The following SYT7 variants were observed in gnomAD, a reference collection of about 807,000 sequenced individuals.
The protein encoded by SYT7 is synaptotagmin-7.
A neutral mutation model predicts 75.1 loss-of-function variants in SYT7; 29 were observed. That is an observed-to-expected ratio of 0.39 (90% CI 0.29 to 0.53). SYT7 has a LOEUF of 0.53. Ranked by LOEUF, SYT7 falls within the 20% of genes least tolerant of loss-of-function variation. SYT7 has a pLI of 0.77. For missense variants in SYT7, 693 were observed against 953.2 expected, an observed-to-expected ratio of 0.73 and a Z score of 3.59; for synonymous variants, 376 against 401.7, an observed-to-expected ratio of 0.94 and a Z score of 0.76.
At chr11:61,581,648 G>A (rs1246438413), upstream of SYT7, among the ~76,000 whole-genome samples, 1 of 152,236 alleles carries the variant, frequency 6.6e-6, no homozygotes, top group Non-Finnish European at 1.5e-5. Context: ...CTGCAAGCTC[G>A]CACACAGGTG....
In SYT7 at chr11:61,518,537, C is replaced by A. The variant is rs915869347; in HGVS notation, c.*90G>T. 3 of 922,006 alleles carry A rather than the reference C, an allele frequency of 3.3e-6. No homozygotes were observed. The highest frequency in any genetic ancestry group is 4.7e-6 in the Non-Finnish European group (3 of 639,180). The allele number at this position is 922,006 out of a possible 1,614,324, so 57.1% of individuals were successfully genotyped here. A position where few individuals can be genotyped will look rare whatever the true frequency, so the allele number is the denominator to read the frequency against. On this transcript the variant is annotated 3_prime_UTR_variant, in exon 13 of 13. Coordinates refer to ENST00000539008, the MANE Select transcript of SYT7 (RefSeq NM_001365809.2). ...CCTCAGGGTCCTCCCCTCCCTATGG[C>A]AGGGGGCTCAGGCCGGGCGTTGTGC...
At chr11:61,538,008 G>A in intron 7 of SYT7, 136 bp downstream of exon 7, 1 of 1,326,734 alleles carries the variant, frequency 7.5e-7, no homozygotes, top group South Asian at 1.5e-5. Flanking sequence ...GGCTGGGGAG[G>A]GGGCTTGTCC....
chr11:61,533,194 G>GT, intron 7 of SYT7, 70 bp from the exon 8 acceptor site: 1 of 1,495,370 alleles, frequency 6.7e-7, no homozygotes, highest in East Asian at 2.4e-5. Context: ...GGCCTGGGGG[G>GT]TGGCAGGACC....
chr11:61,527,581 G>A (rs1334387841), intron 9 of SYT7, among the ~76,000 whole-genome samples: 3 of 152,238 alleles, frequency 2.0e-5, no homozygotes, highest in South Asian at 4.1e-4. Flanking sequence ...AACACCAGGC[G>A]GTGGCCCAGC....
intron 9 of SYT7, among the ~76,000 whole-genome samples, chr11:61,527,692 TG>T (rs1474527367): frequency 6.6e-6 from 1 of 152,244 alleles, no homozygotes; most frequent in Non-Finnish European, 1.5e-5. Context: ...GCCAGGACGT[TG>T]CCTGTGTGGG....
Position 61,534,881 on chromosome 11 carries a change from C to T in SYT7, c.1065-1757G>A, listed in dbSNP as rs906584903. ...ACACACGAGAGGACACGTGCTCACA[C>T]GGGCAGGCAGGGGGAAGGAAAGGAG... On this transcript the variant is annotated intron_variant, in intron 7 of 12. Coordinates refer to ENST00000539008, the MANE Select transcript of SYT7 (RefSeq NM_001365809.2). 5.9e-5 allele frequency among the ~76,000 whole-genome samples: 9 copies of T among 152,240 alleles called. No individual in the cohort carries two copies. The South Asian group carries it at 8.3e-4, about 14-fold the overall frequency.
intron 6 of SYT7, among the ~76,000 whole-genome samples, chr11:61,541,869 G>T (rs1183683512): frequency 6.6e-6 from 1 of 152,192 alleles, no homozygotes; most frequent in Non-Finnish European, 1.5e-5. Flanking sequence ...AGGAGTGAAG[G>T]AAGACTGGCC....
At chr11:61,541,088 G>C (rs2063030077) in intron 6 of SYT7, 2 of 985,430 alleles carry the variant, frequency 2.0e-6, no homozygotes, top group Admixed American at 6.1e-5. Context: ...TCCCAGGGCA[G>C]TGCTCCCATC....
At position 61,514,667 on chromosome 11, in the gene SYT7, G is replaced by A. The variant is rs2062111213; in HGVS notation, c.*3960C>T. 6.6e-6 allele frequency among the ~76,000 whole-genome samples: 1 copy of A among 152,178 alleles called. No individual in the cohort carries two copies. Among genetic ancestry groups the A allele is most frequent in the Admixed American group, 6.5e-5 (1 of 15,278 alleles). ...TTGTGGCCAGAAGAAACAGGTGGAA[G>A]GAAAGAGCTTGCCCAGGGCCACAGA... is the stretch of plus-strand genomic sequence containing the variant. On this transcript the variant is annotated 3_prime_UTR_variant, in exon 13 of 13. Transcript: ENST00000539008.
chr11:61,568,661 A>C (rs937161073), intron 1 of SYT7, among the ~76,000 whole-genome samples: 1 of 152,056 alleles, frequency 6.6e-6, no homozygotes, highest in Admixed American at 6.5e-5. Context: ...CTACCTCATC[A>C]TCCTTCCATG....
At chr11:61,538,620 G>A (rs916357187) in intron 6 of SYT7, among the ~76,000 whole-genome samples, 8 of 152,082 alleles carry the variant, frequency 5.3e-5, no homozygotes, top group Non-Finnish European at 1.2e-4. Context: ...TGCAGAGGTG[G>A]CCTGTGGCTG....
Position 61,580,821 on chromosome 11 carries a change from G to A in SYT7, c.-1C>T, listed in dbSNP as rs1428096903. 1 of 1,272,114 alleles carries A rather than the reference G, an allele frequency of 7.9e-7. No homozygotes were observed. Among genetic ancestry groups the A allele is most frequent in the Non-Finnish European group, 9.9e-7 (1 of 1,006,816 alleles). 78.8% of individuals were successfully genotyped at this position (1,272,114 alleles called of 1,614,324 possible). ...TGGCCGCCTCCGGGTCCCGGTACATGGTCCCCTCGTCGCCGGTTCCCTCCG... is the reference window on the plus strand; with the variant it reads ...TGGCCGCCTCCGGGTCCCGGTACATAGTCCCCTCGTCGCCGGTTCCCTCCG... On this transcript the variant is annotated 5_prime_UTR_variant, in exon 1 of 13. Transcript: ENST00000539008. This position sits in a 1 kb window ranked among gnomAD's most constrained non-coding sequence, Gnocchi z 6.1.
intron 5 of SYT7, among the ~76,000 whole-genome samples, chr11:61,545,262 T>C (rs1284711190): frequency 1.3e-5 from 2 of 152,154 alleles, no homozygotes; most frequent in Non-Finnish European, 2.9e-5. Flanking sequence ...CAGACAGCTA[T>C]TACAGAGGGG....
At chr11:61,557,207 A>G (rs1337078876) in intron 1 of SYT7, among the ~76,000 whole-genome samples, 1 of 152,222 alleles carries the variant, frequency 6.6e-6, no homozygotes, top group African/African-American at 2.4e-5. Flanking sequence ...TGGGGCAGTG[A>G]GTGGAGACCC....
At chr11:61,538,361 G>C (rs1655193020) in intron 6 of SYT7, 95 bp from the exon 7 acceptor site, 2 of 780,700 alleles carry the variant, frequency 2.6e-6, no homozygotes, top group Non-Finnish European at 3.9e-6. Context: ...GAGAGAGAGA[G>C]AGAGAGAGAG....
upstream of SYT7, chr11:61,581,216 G>T: frequency 6.8e-6 from 1 of 146,970 alleles, no homozygotes; most frequent in South Asian, 1.8e-4. Context: ...GCCCGCTGCC[G>T]GCCGCGCGCC....
At chr11:61,543,855 G>A (rs1260341647) in intron 5 of SYT7, among the ~76,000 whole-genome samples, 1 of 152,218 alleles carries the variant, frequency 6.6e-6, no homozygotes, top group Non-Finnish European at 1.5e-5. Flanking sequence ...AGACTGGGCT[G>A]AATGAGCAGC....
chr11:61,565,666 C>T (rs2063747525), intron 1 of SYT7, among the ~76,000 whole-genome samples: 1 of 152,234 alleles, frequency 6.6e-6, no homozygotes, highest in East Asian at 1.9e-4. Context: ...CTTGGACCTA[C>T]CCCCACCCCA....
intron 1 of SYT7, among the ~76,000 whole-genome samples, chr11:61,568,279 C>T (rs2063829991): frequency 6.6e-6 from 1 of 152,282 alleles, no homozygotes; most frequent in African/African-American, 2.4e-5. Flanking sequence ...TGTAGAGATT[C>T]TCCCCCTTCC....
Sources: allele counts gnomAD v4.1 joint callset (sites outside exome capture counted in the v4.1 genomes callset), GRCh38; gene constraint gnomAD v4.1.1; non-coding constraint Gnocchi (gnomAD v3.1); transcripts MANE v1.5; gene names NCBI Gene and HGNC (gene_info 2026-07-23, HGNC 2026-07-21).